The following GSG1L variants were observed in gnomAD, a reference collection of about 807,000 sequenced individuals.
GSG1L encodes germ cell-specific gene 1-like protein.
GSG1L carries 24 observed loss-of-function variants against 42.1 expected under a neutral mutation model. The observed-to-expected ratio is 0.57, with a 90% confidence interval of 0.41 to 0.80. The LOEUF (loss-of-function observed/expected upper bound fraction) is 0.80, where lower values mean the gene tolerates loss of function less well. Among genes scored for constraint, GSG1L ranks in the 30% least tolerant of loss-of-function variants. GSG1L has a pLI of 0.00. For missense variants in GSG1L, 445 were observed against 472.2 expected (o/e 0.94, Z 0.53); for synonymous variants, 215 against 203.5 (o/e 1.06, Z -0.48).
intron 2 of GSG1L, among the ~76,000 whole-genome samples, chr16:27,915,869 A>T (rs2084449433): frequency 6.6e-6 from 1 of 152,208 alleles, no homozygotes; most frequent in Non-Finnish European, 1.5e-5. Context: ...CAGACAGACA[A>T]CCTGGGTTTA....
chr16:27,888,454 T>TCTC (rs1555506346), intron 2 of GSG1L, among the ~76,000 whole-genome samples: 1 of 40,792 alleles, frequency 2.5e-5, no homozygotes, highest in Non-Finnish European at 5.9e-5. Context: ...CTTTCTTTCT[T>TCTC]TCTTTCTTTC....
rs2084002509 is a variant in GSG1L at position 27,884,457 on chromosome 16, G to C, written c.550+29C>G. ...CAGCACCCTTTCTCGCCTGTGCTCT[G>C]AGAGGCCACAGGACCAGCCATGCCT... is the stretch of plus-strand genomic sequence containing the variant. On this transcript the variant is annotated intron_variant, in intron 3 of 6. Coordinates refer to ENST00000447459, the MANE Select transcript of GSG1L (RefSeq NM_001109763.2). This position sits in a 1 kb window ranked among gnomAD's most constrained non-coding sequence, Gnocchi z 4.4. The C allele has an allele frequency of 6.2e-7, 1 of 1,601,318 alleles. No homozygotes were observed. The highest frequency in any genetic ancestry group is 2.2e-5 in the East Asian group (1 of 44,578).
chr16:27,911,304 C>T (rs2084388463), intron 2 of GSG1L, among the ~76,000 whole-genome samples: 1 of 151,300 alleles, frequency 6.6e-6, no homozygotes, highest in Non-Finnish European at 1.5e-5. Context: ...TCCTCTCTCT[C>T]TTTTGAGACA....
chr16:27,818,345 G>A (rs2083118092), intron 5 of GSG1L, among the ~76,000 whole-genome samples: 1 of 151,996 alleles, frequency 6.6e-6, no homozygotes, highest in Admixed American at 6.6e-5. Flanking sequence ...TCACTTCAAG[G>A]ACCATCTTGT....
chr16:28,044,867 T>A (rs2086144924), intron 1 of GSG1L, among the ~76,000 whole-genome samples: 1 of 151,976 alleles, frequency 6.6e-6, no homozygotes, highest in African/African-American at 2.4e-5. Context: ...TCAGGTGATC[T>A]GCCTGCCTCA....
At chr16:27,952,813 T>A (rs1225392013) in intron 2 of GSG1L, among the ~76,000 whole-genome samples, 4 of 152,248 alleles carry the variant, frequency 2.6e-5, no homozygotes, top group African/African-American at 9.6e-5. Context: ...ACTGCATATA[T>A]CCTAAGCATG....
intron 1 of GSG1L, among the ~76,000 whole-genome samples, chr16:27,986,589 T>G (rs574289931): frequency 6.6e-6 from 1 of 152,078 alleles, no homozygotes; most frequent in African/African-American, 2.4e-5. Flanking sequence ...ATAAGACTCC[T>G]GCAGGGGATG....
intron 2 of GSG1L, among the ~76,000 whole-genome samples, chr16:27,926,272 G>A (rs952575879): frequency 2.0e-5 from 3 of 152,158 alleles, no homozygotes; most frequent in African/African-American, 7.2e-5. Flanking sequence ...GACCTGCTAT[G>A]TGCCAGGCAC....
chr16:27,984,188 T>C (rs2085355072), intron 1 of GSG1L, among the ~76,000 whole-genome samples: 1 of 152,200 alleles, frequency 6.6e-6, no homozygotes, highest in Non-Finnish European at 1.5e-5. Context: ...CCCTTATTAA[T>C]GTTTCTCTCT....
chr16:27,947,707 G>A (rs1289722268), intron 2 of GSG1L, among the ~76,000 whole-genome samples: 1 of 152,180 alleles, frequency 6.6e-6, no homozygotes, highest in Admixed American at 6.5e-5. Flanking sequence ...GTCGGGCTAA[G>A]GGAAGTTGCC....
chr16:28,002,930 C>A (rs182584440), intron 1 of GSG1L, among the ~76,000 whole-genome samples: 9 of 150,274 alleles, frequency 6.0e-5, no homozygotes, highest in African/African-American at 1.8e-4. Context: ...AGCGAGACTC[C>A]GTCTCAGAAA....
chr16:27,886,322 A>G (rs1408697210), intron 2 of GSG1L, among the ~76,000 whole-genome samples: 4 of 152,068 alleles, frequency 2.6e-5, no homozygotes, highest in Non-Finnish European at 5.9e-5. Flanking sequence ...CACCTGTAAT[A>G]CCAGCTACTC....
intron 4 of GSG1L, among the ~76,000 whole-genome samples, chr16:27,838,885 G>C (rs973412371): frequency 6.6e-6 from 1 of 152,210 alleles, no homozygotes; most frequent in Non-Finnish European, 1.5e-5. Flanking sequence ...CCTGGTCTTA[G>C]AATAAAGGAG....
intron 6 of GSG1L, among the ~76,000 whole-genome samples, chr16:27,803,349 C>T (rs1408003932): frequency 6.6e-6 from 1 of 152,104 alleles, no homozygotes; most frequent in Non-Finnish European, 1.5e-5. Context: ...TGAACAATGG[C>T]CCAGGAGAGT....
At chr16:27,955,170 C>G (rs1297513466) in intron 2 of GSG1L, among the ~76,000 whole-genome samples, 1 of 151,878 alleles carries the variant, frequency 6.6e-6, no homozygotes, top group Non-Finnish European at 1.5e-5. Flanking sequence ...GAAACAGAGA[C>G]ATTAAAGGGT....
chr16:27,803,785 A>C (rs1266923452), intron 6 of GSG1L, among the ~76,000 whole-genome samples: 1,107 of 83,366 alleles, frequency 0.013, 32 homozygotes, highest in African/African-American at 0.049. Flanking sequence ...ATATATATAT[A>C]TATATATATA....
Position 27,946,624 on chromosome 16 carries a change from AGAGAG to A in GSG1L, c.397+16527_397+16531del, listed in dbSNP as rs1245002478. ...GAGAGAGAGAGAGAGAGAGAGAGAGAGAGAGAGAAAGAAAGAAAGAAAGAAAGAAA... is the reference window on the plus strand; with the variant it reads ...GAGAGAGAGAGAGAGAGAGAGAGAGAAGAAAGAAAGAAAGAAAGAAAGAAA... On this transcript the variant is annotated intron_variant, in intron 2 of 6. Coordinates refer to ENST00000447459, the MANE Select transcript of GSG1L (RefSeq NM_001109763.2). 5.4e-4 allele frequency among the ~76,000 whole-genome samples: 13 copies of A among 23,888 alleles called. No homozygotes were observed. The South Asian group carries it at 0.011, about 20-fold the overall frequency. The allele number at this position is 23,888 out of a possible 152,430, so 15.7% of individuals were successfully genotyped here.
chr16:28,035,176 C>CTGTTTTTGTTTT lies in GSG1L; in HGVS notation c.349+27888_349+27899dup, dbSNP rs532194259. On this transcript the variant is annotated intron_variant, in intron 1 of 6. Coordinates refer to ENST00000447459, the MANE Select transcript of GSG1L (RefSeq NM_001109763.2). ...CACGCACCAGCAAACCCAGCTAATG[C>CTGTTTTTGTTTT]TGTTTTTGTTTTTGTTTTTGTTTTT... Among the ~76,000 whole-genome samples, 62 of 152,168 alleles carry CTGTTTTTGTTTT rather than the reference C, an allele frequency of 4.1e-4. No homozygotes were observed. The East Asian group carries it at 6.8e-3, about 17-fold the overall frequency.
chr16:27,995,636 C>A (rs557329664), intron 1 of GSG1L, among the ~76,000 whole-genome samples: 1 of 152,152 alleles, frequency 6.6e-6, no homozygotes, highest in African/African-American at 2.4e-5. Context: ...GTTAAAAGGG[C>A]CAGGCAGAAG....
Sources: gnomAD v4.1 joint callset for allele counts (sites outside exome capture counted in the v4.1 genomes callset) on GRCh38, gnomAD v4.1.1 for gene constraint, Gnocchi (gnomAD v3.1) non-coding constraint, MANE v1.5 for transcripts, NCBI Gene and HGNC (gene_info 2026-07-23, HGNC 2026-07-21) for gene names.